ITGBL1: variants seen among roughly 807,000 people sequenced by gnomAD.
ITGBL1 encodes integrin subunit beta like 1.
In ITGBL1, 51 loss-of-function variants were observed where a neutral mutation model predicts 68.5. The ratio of observed to expected loss-of-function variants is 0.74; its 90% confidence interval spans 0.59 to 0.94. The LOEUF is 0.94. ITGBL1 is among the 40% of genes least tolerant of loss of function. The probability of loss-of-function intolerance (pLI) is 0.00; values close to 1 mark genes in which losing one functional copy is unlikely to be tolerated. For synonymous variants in ITGBL1, 209 were observed against 227.3 expected, an observed-to-expected ratio of 0.92 and a Z score of 0.72; for missense variants, 649 against 647.4, an observed-to-expected ratio of 1.00 and a Z score of -0.03.
intron 2 of ITGBL1, among the ~76,000 whole-genome samples, chr13:101,491,781 C>T (rs545779691): frequency 6.6e-6 from 1 of 152,250 alleles, no homozygotes; most frequent in East Asian, 1.9e-4. Flanking sequence ...CCTTAGCCCT[C>T]CACCCCCTGA....
chr13:101,487,308 C>G (rs1269362839), intron 2 of ITGBL1, among the ~76,000 whole-genome samples: 1 of 152,122 alleles, frequency 6.6e-6, no homozygotes. Context: ...TGATAACAGC[C>G]TGTCCTTATC....
chr13:101,711,466 C>T (rs1398035505), intron 9 of ITGBL1: 2 of 152,280 alleles, frequency 1.3e-5, no homozygotes, highest in African/African-American at 4.8e-5. Flanking sequence ...CAAGTTGCCT[C>T]GCTCAATATG....
At chr13:101,526,984 C>T (rs577198255) in intron 2 of ITGBL1, among the ~76,000 whole-genome samples, 1 of 151,998 alleles carries the variant, frequency 6.6e-6, no homozygotes, top group South Asian at 2.1e-4. Context: ...GTAACATTTT[C>T]CTATTATTTC....
Position 101,600,500 on chromosome 13 carries a change from A to C in ITGBL1, c.1015+2201A>C, listed in dbSNP as rs1364327168. On this transcript the variant is annotated intron_variant, in intron 7 of 10. Transcript: ENST00000376180. ...TTGAATAGGAGTGGTGAGAGAGGGC[A>C]TCCCTGTCTTGTGCCAGTTTTCAAA... is the stretch of plus-strand genomic sequence containing the variant. 4.6e-5 allele frequency among the ~76,000 whole-genome samples: 7 copies of C among 152,154 alleles called. No individual in the cohort carries two copies. The East Asian group carries it at 1.3e-3, about 29-fold the overall frequency.
intron 7 of ITGBL1, among the ~76,000 whole-genome samples, chr13:101,652,874 G>T (rs1247730209): frequency 6.6e-6 from 1 of 152,100 alleles, no homozygotes; most frequent in Non-Finnish European, 1.5e-5. Flanking sequence ...GAGGCGGGCA[G>T]ATCACTGGAG....
At chr13:101,637,447 C>T (rs1339434056) in intron 7 of ITGBL1, among the ~76,000 whole-genome samples, 1 of 151,020 alleles carries the variant, frequency 6.6e-6, no homozygotes, top group Non-Finnish European at 1.5e-5. Flanking sequence ...GGGTTCAAGC[C>T]ATTCTCCTGC....
chr13:101,558,083 C>CAAAAAAA lies in ITGBL1; in HGVS notation c.317-9589_317-9583dup, dbSNP rs568103738. 3.8e-4 allele frequency among the ~76,000 whole-genome samples: 27 copies of CAAAAAAA among 71,680 alleles called. 1 individual carries two copies. The highest frequency in any genetic ancestry group is 1.2e-3 in the African/African-American group (18 of 14,676). The allele number at this position is 71,680 out of a possible 152,430, so 47.0% of individuals were successfully genotyped here. On this transcript the variant is annotated intron_variant, in intron 2 of 10. Coordinates refer to ENST00000376180, the MANE Select transcript of ITGBL1 (RefSeq NM_004791.3). ...TGGGAGACAGAGCAAAACTCCGTCT[C>CAAAAAAA]AAAAAAAAAAAAAAAAAAAAAAAAA... is the stretch of plus-strand genomic sequence containing the variant.
At chr13:101,706,126 T>C (rs1232321258) in intron 8 of ITGBL1, among the ~76,000 whole-genome samples, 1 of 151,984 alleles carries the variant, frequency 6.6e-6, no homozygotes, top group Non-Finnish European at 1.5e-5. Context: ...TACCAAAAGA[T>C]AAACATCTGA....
chr13:101,541,449 G>C (rs1246449624), intron 2 of ITGBL1, among the ~76,000 whole-genome samples: 1 of 152,106 alleles, frequency 6.6e-6, no homozygotes, highest in South Asian at 2.1e-4. Flanking sequence ...GCTGGATTTG[G>C]TTTGCCAGTA....
chr13:101,596,187 A>G (rs1238721221), intron 6 of ITGBL1, among the ~76,000 whole-genome samples: 2 of 152,088 alleles, frequency 1.3e-5, no homozygotes, highest in Non-Finnish European at 2.9e-5. Flanking sequence ...AGCCAGACAT[A>G]GACAAAAAAA....
intron 2 of ITGBL1, among the ~76,000 whole-genome samples, chr13:101,513,189 C>CT (rs774968399): frequency 1.3e-5 from 2 of 151,998 alleles, no homozygotes; most frequent in Non-Finnish European, 2.9e-5. Flanking sequence ...GAACCTAGGA[C>CT]TTGCCTGATA....
intron 7 of ITGBL1, among the ~76,000 whole-genome samples, chr13:101,647,034 CA>C (rs2032581714): frequency 2.0e-5 from 3 of 151,984 alleles, no homozygotes; most frequent in African/African-American, 7.2e-5. Context: ...CTCTTGTTTT[CA>C]TCTCTTTTTT....
chr13:101,606,100 C>T (rs1277611404), intron 7 of ITGBL1, among the ~76,000 whole-genome samples: 4 of 83,458 alleles, frequency 4.8e-5, no homozygotes, highest in Non-Finnish European at 8.2e-5. Flanking sequence ...TATATATATG[C>T]TCTCTCTCTC....
At chr13:101,567,669 G>T (rs2050202990) in intron 2 of ITGBL1, 30 bp from the exon 3 acceptor site, 1 of 1,602,292 alleles carries the variant, frequency 6.2e-7, no homozygotes, top group East Asian at 2.2e-5. Context: ...AAAACAATTT[G>T]AGTCTGACTA....
intron 7 of ITGBL1, among the ~76,000 whole-genome samples, chr13:101,608,896 G>T (rs1007251238): frequency 6.6e-6 from 1 of 151,960 alleles, no homozygotes; most frequent in African/African-American, 2.4e-5. Flanking sequence ...TGCTTTTAGT[G>T]TGCATCAAAT....
At chr13:101,704,278 A>C (rs2034203088) in intron 8 of ITGBL1, among the ~76,000 whole-genome samples, 1 of 151,994 alleles carries the variant, frequency 6.6e-6, no homozygotes, top group Non-Finnish European at 1.5e-5. Context: ...TGGAGGTATT[A>C]AGTGGGGATG....
chr13:101,601,880 T>C (rs1033695598), intron 7 of ITGBL1, among the ~76,000 whole-genome samples: 1 of 152,110 alleles, frequency 6.6e-6, no homozygotes, highest in Admixed American at 6.6e-5. Context: ...TTGGAATAGG[T>C]GTGGTCTGGA....
intron 7 of ITGBL1, among the ~76,000 whole-genome samples, chr13:101,601,711 A>G (rs903480267): frequency 3.3e-5 from 5 of 152,152 alleles, no homozygotes; most frequent in African/African-American, 9.7e-5. Context: ...TTCATTCAGG[A>G]GCAGGTTGTT....
intron 7 of ITGBL1, among the ~76,000 whole-genome samples, chr13:101,640,762 G>A (rs1463776852): frequency 6.6e-6 from 1 of 152,000 alleles, no homozygotes; most frequent in East Asian, 1.9e-4. Context: ...TAGTTTTTCA[G>A]CTTTTGTCCC....
Sources: allele counts gnomAD v4.1 joint callset (sites outside exome capture counted in the v4.1 genomes callset), GRCh38; gene constraint gnomAD v4.1.1; transcripts MANE v1.5; gene names NCBI Gene and HGNC (gene_info 2026-07-23, HGNC 2026-07-21).